COL13A1: variants seen among roughly 807,000 people sequenced by gnomAD.
The protein encoded by COL13A1 is collagen alpha-1(XIII) chain.
In COL13A1, 89 loss-of-function variants were observed where a neutral mutation model predicts 130.9. The ratio of observed to expected loss-of-function variants is 0.68; its 90% CI spans 0.57 to 0.81. COL13A1 has a LOEUF of 0.81. Ranked by LOEUF, COL13A1 falls within the 30% of genes least tolerant of loss-of-function variation. The probability of loss-of-function intolerance (pLI) is 0.00; values close to 1 mark genes in which losing one functional copy is unlikely to be tolerated. For synonymous variants in COL13A1, 402 were observed against 341.6 expected, an observed-to-expected ratio of 1.18 and a Z score of -1.95; for missense variants, 879 against 934.6, an observed-to-expected ratio of 0.94 and a Z score of 0.78.
In COL13A1 at chr10:69,853,841, G is replaced by T. The variant is rs144972803; in HGVS notation, c.365-13957G>T. ...GCACACCGATTTCTGCTCTGTGAAC[G>T]TAGGTATGCGTGTGGACGAGGATCA... is the stretch of plus-strand genomic sequence containing the variant. On this transcript the variant is annotated intron_variant, in intron 2 of 40. Transcript: ENST00000645393. Among the ~76,000 whole-genome samples, 629 of 152,326 alleles carry T rather than the reference G, an allele frequency of 4.1e-3. 5 individuals carry two copies. Among genetic ancestry groups the T allele is most frequent in the African/African-American group, 0.014 (600 of 41,574 alleles).
intron 17 of COL13A1, among the ~76,000 whole-genome samples, chr10:69,908,619 A>G (rs1222843090): frequency 6.6e-6 from 1 of 152,178 alleles, no homozygotes; most frequent in African/African-American, 2.4e-5. Context: ...GAGTACGGAG[A>G]ATCCTCTGCT....
chr10:69,951,243 C>T lies in COL13A1; in HGVS notation c.2059-1639C>T, dbSNP rs371175911. ...GCACATGACAACCTCTGACCCCAAC[C>T]TTTGGCTCCTATACTGGCTAAAAAG... On this transcript the variant is annotated intron_variant, in intron 38 of 40. Transcript: ENST00000645393. Among the ~76,000 whole-genome samples the T allele has an allele frequency of 6.6e-5, 10 of 152,338 alleles. No individual in the cohort carries two copies. The East Asian group carries it at 1.7e-3, about 26-fold the overall frequency.
rs2065817425 is a variant in COL13A1 at position 69,929,447 on chromosome 10, T to A, written c.1485+448T>A. Among the ~76,000 whole-genome samples the A allele has an allele frequency of 3.9e-5, 6 of 152,112 alleles. No individual in the cohort carries two copies. The South Asian group carries it at 1.2e-3, about 32-fold the overall frequency. On this transcript the variant is annotated intron_variant, in intron 28 of 40. Transcript: ENST00000645393. Reference sequence around the variant, plus strand: ...CCTCTCCCCTGCAAGTCTTTTTCCATCTTACCTTTCTTTCAAAGCCCTTCT... The same window carrying A: ...CCTCTCCCCTGCAAGTCTTTTTCCAACTTACCTTTCTTTCAAAGCCCTTCT...
intron 2 of COL13A1, among the ~76,000 whole-genome samples, chr10:69,832,831 G>T (rs1294501528): frequency 6.6e-6 from 1 of 152,192 alleles, no homozygotes; most frequent in Non-Finnish European, 1.5e-5. Flanking sequence ...TGCCTTAAAG[G>T]CTGTGTTTGT....
At chr10:69,851,024 C>CA (rs11435683) in intron 2 of COL13A1, among the ~76,000 whole-genome samples, 5,107 of 150,736 alleles carry the variant, frequency 0.034, 303 homozygotes, top group African/African-American at 0.12. Flanking sequence ...GCAGGCACTA[C>CA]AGGGGCCTTT....
At chr10:69,928,814 T>C (rs2065719740) in intron 27 of COL13A1, 123 bp from the exon 28 acceptor site, 1 of 617,978 alleles carries the variant, frequency 1.6e-6, no homozygotes, top group Non-Finnish European at 2.8e-6. Context: ...TGCATCTCTA[T>C]CACTGGAGAA....
chr10:69,885,644 A>C (rs746328963), intron 7 of COL13A1, among the ~76,000 whole-genome samples: 1 of 152,058 alleles, frequency 6.6e-6, no homozygotes, highest in Non-Finnish European at 1.5e-5. Flanking sequence ...CCACGTAAAC[A>C]TTGTCCCTAG....
chr10:69,824,578 A>G (rs928450645), intron 2 of COL13A1, among the ~76,000 whole-genome samples: 17 of 152,122 alleles, frequency 1.1e-4, no homozygotes, highest in Admixed American at 9.2e-4. Context: ...TGTGGAACCC[A>G]CTGGTCCTGG....
chr10:69,927,139 G>A, intron 27 of COL13A1, 29 bp downstream of exon 27: 5 of 1,601,670 alleles, frequency 3.1e-6, no homozygotes, highest in Non-Finnish European at 4.3e-6. Flanking sequence ...GGCTTTCCTT[G>A]GGCACTGGAC....
In COL13A1 at chr10:69,802,454, G is replaced by A. The variant is rs1353513662; in HGVS notation, c.31G>A (p.Ala11Thr). 1 of 1,504,710 alleles carries A rather than the reference G, an allele frequency of 6.6e-7. No homozygotes were observed. Among genetic ancestry groups the A allele is most frequent in the Non-Finnish European group, 8.8e-7 (1 of 1,132,318 alleles). The allele number at this position is 1,504,710 out of a possible 1,614,324, so 93.2% of individuals were successfully genotyped here. Reference sequence around the variant, plus strand: ...AGCGGAGCGCACCCACAAAGCGGCAGCCACCGGTGCCCGCGGCCCTGGGGA... The same window carrying A: ...AGCGGAGCGCACCCACAAAGCGGCAACCACCGGTGCCCGCGGCCCTGGGGA... MVAERTHKAA[A>T]TGARGPGELG... is the part of the protein sequence containing the mutation. The change falls in exon 1 of 41, where the codon GCC becomes ACC. Residue 11 changes from alanine (A) to threonine (T), a missense_variant. Coordinates refer to ENST00000645393, the MANE Select transcript of COL13A1 (RefSeq NM_001368882.1).
intron 2 of COL13A1, among the ~76,000 whole-genome samples, chr10:69,854,610 G>A (rs1173650745): frequency 6.6e-6 from 1 of 151,586 alleles, no homozygotes; most frequent in Non-Finnish European, 1.5e-5. Flanking sequence ...ACCAGACTCT[G>A]GTTAGAGGTT....
At chr10:69,847,138 C>T (rs779556606) in intron 2 of COL13A1, among the ~76,000 whole-genome samples, 8 of 152,202 alleles carry the variant, frequency 5.3e-5, no homozygotes, top group Non-Finnish European at 1.2e-4. Flanking sequence ...GGGTGCCGGA[C>T]CGCATGCTTA....
chr10:69,852,078 G>A (rs901987582), intron 2 of COL13A1, among the ~76,000 whole-genome samples: 1 of 152,130 alleles, frequency 6.6e-6, no homozygotes, highest in East Asian at 1.9e-4. Flanking sequence ...CTGTGCTGGT[G>A]TGCAGTGACC....
At chr10:69,888,394 C>T (rs1176441097) in intron 9 of COL13A1, 64 bp downstream of exon 9, 29 of 1,575,512 alleles carry the variant, frequency 1.8e-5, no homozygotes, top group Non-Finnish European at 2.3e-5. Flanking sequence ...GGTCATTCTG[C>T]AAGATATTGA....
intron 1 of COL13A1, among the ~76,000 whole-genome samples, chr10:69,819,001 C>T (rs1845345928): frequency 6.6e-6 from 1 of 152,224 alleles, no homozygotes; most frequent in African/African-American, 2.4e-5. Flanking sequence ...TCTACAGTCA[C>T]CTGCACACAT....
intron 14 of COL13A1, among the ~76,000 whole-genome samples, chr10:69,901,024 G>A (rs575946178): frequency 6.6e-6 from 1 of 152,308 alleles, no homozygotes; most frequent in East Asian, 1.9e-4. Context: ...CAAAGTACAG[G>A]ATTCTGAGGA....
At chr10:69,911,192 C>T (rs1742486021) in intron 17 of COL13A1, among the ~76,000 whole-genome samples, 1 of 152,218 alleles carries the variant, frequency 6.6e-6, no homozygotes, top group African/African-American at 2.4e-5. Flanking sequence ...TGTGCTGGCC[C>T]TTCCCCTTGC....
intron 33 of COL13A1, among the ~76,000 whole-genome samples, chr10:69,937,294 G>C (rs2067059182): frequency 6.6e-6 from 1 of 152,222 alleles, no homozygotes; most frequent in Non-Finnish European, 1.5e-5. Flanking sequence ...GAGCCTCAGG[G>C]CTCTGGAGGT....
chr10:69,926,134 C>T (rs1221905937), intron 26 of COL13A1, among the ~76,000 whole-genome samples: 1 of 152,260 alleles, frequency 6.6e-6, no homozygotes, highest in East Asian at 1.9e-4. Context: ...TGCCTCAGGG[C>T]CCCTGAGTGC....
Sources: allele counts gnomAD v4.1 joint callset (sites outside exome capture counted in the v4.1 genomes callset), GRCh38; gene constraint gnomAD v4.1.1; transcripts MANE v1.5; gene names NCBI Gene and HGNC (gene_info 2026-07-23, HGNC 2026-07-21).